The following PREX2 variants were observed in gnomAD, a reference collection of about 807,000 sequenced individuals.
PREX2 encodes the protein phosphatidylinositol-3,4,5-trisphosphate dependent Rac exchange factor 2.
Under a neutral mutation model 203.2 loss-of-function variants are expected in PREX2, and 107 were observed. The observed-to-expected ratio is 0.53, with a 90% CI of 0.45 to 0.62. The LOEUF (loss-of-function observed/expected upper bound fraction) is 0.62. Among genes scored for constraint, PREX2 ranks in the 20% least tolerant of loss-of-function variants. The pLI is 0.00. For missense variants in PREX2, 1,777 were observed against 1,955.9 expected (o/e 0.91, Z 1.72); for synonymous variants, 672 against 663.6 (o/e 1.01, Z -0.19).
At chr8:68,033,299 G>T (rs899858293) in intron 6 of PREX2, among the ~76,000 whole-genome samples, 2 of 152,112 alleles carry the variant, frequency 1.3e-5, no homozygotes, top group African/African-American at 2.4e-5. Flanking sequence ...TTTGTTTGGG[G>T]ATGATATATA....
chr8:68,025,709 C>T (rs542706007), intron 4 of PREX2, among the ~76,000 whole-genome samples: 1 of 152,200 alleles, frequency 6.6e-6, no homozygotes, highest in Non-Finnish European at 1.5e-5. Context: ...AAGCGATCCT[C>T]TTACCTCAGC....
chr8:67,979,564 G>A (rs1165251753), intron 1 of PREX2, among the ~76,000 whole-genome samples: 1 of 152,076 alleles, frequency 6.6e-6, no homozygotes, highest in African/African-American at 2.4e-5. Flanking sequence ...TGTAGCTCTT[G>A]GACAAAAATA....
chr8:67,973,586 CATACCACTTTT>C (rs1301549686), intron 1 of PREX2, among the ~76,000 whole-genome samples: 2 of 152,176 alleles, frequency 1.3e-5, no homozygotes, highest in Non-Finnish European at 2.9e-5. Context: ...TAGTCTGTTT[CATACCACTTTT>C]ATCTTCTTGT....
intron 33 of PREX2, among the ~76,000 whole-genome samples, chr8:68,139,761 C>T (rs997069168): frequency 1.3e-5 from 2 of 152,066 alleles, no homozygotes; most frequent in Non-Finnish European, 2.9e-5. Context: ...GTTTCATTTC[C>T]TCTGATGAAT....
intron 1 of PREX2, among the ~76,000 whole-genome samples, chr8:67,969,593 G>A (rs1805867589): frequency 6.6e-6 from 1 of 152,082 alleles, no homozygotes; most frequent in African/African-American, 2.4e-5. Context: ...GAGACAGTTG[G>A]TTTGTAGTTA....
chr8:68,193,181 A>G (rs991176376), intron 37 of PREX2, among the ~76,000 whole-genome samples: 3 of 152,188 alleles, frequency 2.0e-5, no homozygotes, highest in Admixed American at 6.5e-5. Flanking sequence ...CCCTCTTCAT[A>G]ATCATATGCT....
intron 37 of PREX2, among the ~76,000 whole-genome samples, chr8:68,210,884 C>T (rs544942769): frequency 3.7e-4 from 56 of 152,224 alleles, no homozygotes; most frequent in African/African-American, 1.3e-3. Flanking sequence ...AAACAATATC[C>T]ACTTTAGGTA....
At chr8:68,034,014 T>C (rs1807960392) in intron 6 of PREX2, among the ~76,000 whole-genome samples, 1 of 152,150 alleles carries the variant, frequency 6.6e-6, no homozygotes, top group African/African-American at 2.4e-5. Flanking sequence ...CGTGCTATTA[T>C]ATCCACTCAG....
chr8:68,192,778 A>G, intron 37 of PREX2: 1 of 381,098 alleles, frequency 2.6e-6, no homozygotes, highest in Non-Finnish European at 4.7e-6. Context: ...TTATATTAAC[A>G]TACTTACATT....
chr8:68,191,854 C>T, intron 36 of PREX2, 66 bp downstream of exon 36: 1 of 1,110,044 alleles, frequency 9.0e-7, no homozygotes, highest in East Asian at 2.4e-5. Context: ...TAATTTTCTG[C>T]TGTTGTTCTG....
intron 34 of PREX2, among the ~76,000 whole-genome samples, chr8:68,151,557 T>C (rs6472386): frequency 0.79 from 119,550 of 151,952 alleles, 47,623 homozygotes; most frequent in African/African-American, 0.93. Context: ...TTCCTGGACC[T>C]GGGTATTCTA....
intron 33 of PREX2, among the ~76,000 whole-genome samples, chr8:68,141,770 T>C (rs569750115): frequency 1.3e-5 from 2 of 152,192 alleles, no homozygotes; most frequent in Non-Finnish European, 2.9e-5. Context: ...AAGGATGGGA[T>C]GGCACTGTTG....
At chr8:68,017,294 G>T (rs1807434602) in intron 1 of PREX2, among the ~76,000 whole-genome samples, 1 of 152,208 alleles carries the variant, frequency 6.6e-6, no homozygotes, top group Non-Finnish European at 1.5e-5. Flanking sequence ...AAGGCTGGGG[G>T]TGGGCAATAG....
intron 23 of PREX2, among the ~76,000 whole-genome samples, chr8:68,107,766 A>T (rs1810447657): frequency 6.6e-6 from 1 of 152,138 alleles, no homozygotes; most frequent in Non-Finnish European, 1.5e-5. Context: ...GTGTCCTGGG[A>T]TGCCACTTGC....
At chr8:67,965,119 A>G (rs773302132) in intron 1 of PREX2, among the ~76,000 whole-genome samples, 72 of 152,346 alleles carry the variant, frequency 4.7e-4, no homozygotes, top group Non-Finnish European at 5.9e-4. Context: ...AGAGAGCAAC[A>G]GGAGCTTATG....
intron 32 of PREX2, among the ~76,000 whole-genome samples, chr8:68,136,926 G>GTTTT: frequency 6.7e-6 from 1 of 149,524 alleles, no homozygotes; most frequent in East Asian, 2.0e-4. Context: ...TTTTTTTTGA[G>GTTTT]ACAGAGTCTC....
rs555649777 is a variant in PREX2, at chr8:68,039,018, T to C, written c.839+726T>C. Among the ~76,000 whole-genome samples, 3 of 152,270 alleles carry C rather than the reference T, an allele frequency of 2.0e-5. No homozygotes were observed. The South Asian group carries it at 6.2e-4, about 32-fold the overall frequency. On this transcript the variant is annotated intron_variant, in intron 7 of 39. Coordinates refer to ENST00000288368, the MANE Select transcript of PREX2 (RefSeq NM_024870.4). ...ATTCTACTCTGAATATCATCCTCTA[T>C]CCTCCTAGCTGTATTCCTCTGGTAT...
At chr8:68,128,897 C>A (rs1242841876) in intron 31 of PREX2, among the ~76,000 whole-genome samples, 4 of 152,172 alleles carry the variant, frequency 2.6e-5, no homozygotes, top group African/African-American at 7.2e-5. Flanking sequence ...AGTTAACCAA[C>A]AAGGCTTTTT....
intron 1 of PREX2, among the ~76,000 whole-genome samples, chr8:68,009,700 C>A (rs1807208202): frequency 1.3e-5 from 2 of 152,082 alleles, no homozygotes; most frequent in African/African-American, 4.8e-5. Context: ...AGTTTATTTC[C>A]ATCTGACATT....
Sources: gnomAD v4.1 joint callset for allele counts (sites outside exome capture counted in the v4.1 genomes callset) on GRCh38, gnomAD v4.1.1 for gene constraint, MANE v1.5 for transcripts, NCBI Gene and HGNC (gene_info 2026-07-23, HGNC 2026-07-21) for gene names.